CLIC5: variants seen among roughly 807,000 people sequenced by gnomAD.
CLIC5 encodes CLIC family member 5, also known as chloride intracellular channel protein 5.
Under a neutral mutation model 24.7 loss-of-function variants are expected in CLIC5, and 20 were observed. The ratio of observed to expected loss-of-function variants is 0.81; its 90% CI spans 0.57 to 1.18. CLIC5 has a LOEUF of 1.18. CLIC5 is among the 50% of genes most tolerant of loss of function. The pLI, the probability that CLIC5 is intolerant of heterozygous loss-of-function variation, is 0.00. For synonymous variants in CLIC5, 159 were observed against 135.6 expected (o/e 1.17, Z -1.20); for missense variants, 341 against 326.1 (o/e 1.05, Z -0.35).
intron 1 of CLIC5, among the ~76,000 whole-genome samples, chr6:46,022,552 T>C (rs1461639354): frequency 6.6e-6 from 1 of 152,132 alleles, no homozygotes; most frequent in Non-Finnish European, 1.5e-5. Flanking sequence ...AGGTCACAGA[T>C]TGGGCTATGA....
At chr6:46,050,917 T>C (rs1768085445) in intron 1 of CLIC5, among the ~76,000 whole-genome samples, 1 of 151,648 alleles carries the variant, frequency 6.6e-6, no homozygotes, top group African/African-American at 2.4e-5. Context: ...AAGGACAGAA[T>C]TTCTCAAACT....
intron 1 of CLIC5, among the ~76,000 whole-genome samples, chr6:46,029,142 G>T (rs775285424): frequency 6.6e-6 from 1 of 152,142 alleles, no homozygotes; most frequent in East Asian, 1.9e-4. Context: ...CATGGAGTCT[G>T]TTCTTTCCTT....
chr6:46,090,958 T>C, the CLIC5 span, among the ~76,000 whole-genome samples: 4 of 152,224 alleles, frequency 2.6e-5, no homozygotes, highest in Non-Finnish European at 4.4e-5. Context: ...AACAACAAGC[T>C]GTTATCAATC....
chr6:46,027,616 A>G (rs1380671035), intron 1 of CLIC5, among the ~76,000 whole-genome samples: 2 of 152,246 alleles, frequency 1.3e-5, no homozygotes, highest in Non-Finnish European at 2.9e-5. Context: ...GCAGAAACTT[A>G]CTTAGAAGAA....
intron 4 of CLIC5, among the ~76,000 whole-genome samples, chr6:45,926,447 G>A (rs925141161): frequency 4.0e-5 from 6 of 149,700 alleles, no homozygotes; most frequent in African/African-American, 1.2e-4. Context: ...TAGTAGAGAT[G>A]GGGTTTCACC....
intron 1 of CLIC5, among the ~76,000 whole-genome samples, chr6:45,975,970 A>C (rs550164509): frequency 7.9e-5 from 12 of 152,192 alleles, no homozygotes; most frequent in African/African-American, 1.9e-4. Flanking sequence ...TGGAAAAAAA[A>C]CCACCAGACT....
chr6:46,068,339 T>A (rs1762498702), intron 1 of CLIC5, among the ~76,000 whole-genome samples: 1 of 152,168 alleles, frequency 6.6e-6, no homozygotes. Context: ...ACAGAGGGCT[T>A]GGACTACCAC....
intron 6 of CLIC5, chr6:45,891,997 C>T (rs772337572): frequency 6.6e-6 from 1 of 152,196 alleles, no homozygotes; most frequent in Non-Finnish European, 1.5e-5. Context: ...TTAGCTACTA[C>T]AGGGTTTCCC....
rs144834196 is a variant in CLIC5 at position 45,917,582 on chromosome 6, G to T, written c.407-3173C>A. 2.0e-3 allele frequency among the ~76,000 whole-genome samples: 311 copies of T among 152,256 alleles called. 4 individuals are homozygous for T. Among genetic ancestry groups the T allele is most frequent in the African/African-American group, 7.1e-3 (293 of 41,530 alleles). On this transcript the variant is annotated intron_variant, in intron 4 of 5. Coordinates refer to ENST00000339561, the MANE Select transcript of CLIC5 (RefSeq NM_016929.5). ...TTATACTCCCTTGGGATGCTCCTTG[G>T]TGATAAGCTGTGTTGAAAGGCACAC...
chr6:45,895,776 A>G (rs1348383873), downstream of CLIC5, among the ~76,000 whole-genome samples: 1 of 152,230 alleles, frequency 6.6e-6, no homozygotes, highest in African/African-American at 2.4e-5. Context: ...CACACAGGAA[A>G]CAATTCTAGA....
chr6:46,029,555 C>T (rs1562013596), intron 1 of CLIC5, among the ~76,000 whole-genome samples: 2 of 152,154 alleles, frequency 1.3e-5, no homozygotes, highest in Admixed American at 1.3e-4. Flanking sequence ...CTCCTAAAAC[C>T]TGGCTGTGGG....
Position 45,899,942 on chromosome 6 carries a change from C to A in CLIC5, c.*3146G>T, listed in dbSNP as rs748072211. 1.3e-5 allele frequency: 2 copies of A among 152,168 alleles called. No individual in the cohort carries two copies. The highest frequency in any genetic ancestry group is 2.9e-5 in the Non-Finnish European group (2 of 68,028). 9.4% of individuals were successfully genotyped at this position (152,168 alleles called of 1,614,324 possible). ...CTTAGTGCTAGGTCACTCTACCTCT[C>A]GTTTAAAAGAATATAGCTATGCTCA... is the stretch of plus-strand genomic sequence containing the variant. On this transcript the variant is annotated 3_prime_UTR_variant, in exon 6 of 6. Coordinates refer to ENST00000339561, the MANE Select transcript of CLIC5 (RefSeq NM_016929.5).
At chr6:46,091,617 G>A in the CLIC5 span, among the ~76,000 whole-genome samples, 230 of 152,250 alleles carry the variant, frequency 1.5e-3, 2 homozygotes, top group Non-Finnish European at 2.8e-3. Flanking sequence ...GCATGCCTGT[G>A]GTCCCAGCTA....
chr6:45,934,250 C>T (rs946893652), intron 4 of CLIC5: 2 of 152,156 alleles, frequency 1.3e-5, no homozygotes, highest in Non-Finnish European at 2.9e-5. Context: ...TGGTTGTCTC[C>T]TTGTTTTTCT....
At chr6:46,015,418 C>CCTGGT in intron 1 of CLIC5, 62 bp downstream of exon 1, 1 of 1,445,196 alleles carries the variant, frequency 6.9e-7, no homozygotes, top group Non-Finnish European at 9.2e-7. Context: ...CACCCCGAGC[C>CCTGGT]CTGGTGGGTG....
At chr6:46,038,773 T>C (rs904653161) in intron 1 of CLIC5, among the ~76,000 whole-genome samples, 3 of 152,214 alleles carry the variant, frequency 2.0e-5, no homozygotes, top group Non-Finnish European at 4.4e-5. Context: ...GATTTCCTAG[T>C]TTATACTAAT....
chr6:45,982,143 GTAA>G (rs1765589759), intron 1 of CLIC5, among the ~76,000 whole-genome samples: 1 of 152,160 alleles, frequency 6.6e-6, no homozygotes, highest in South Asian at 2.1e-4. Context: ...AGGTTTCTGT[GTAA>G]GAAGAGGTAG....
At chr6:45,982,168 G>T (rs1765590333) in intron 1 of CLIC5, among the ~76,000 whole-genome samples, 2 of 152,102 alleles carry the variant, frequency 1.3e-5, no homozygotes. Context: ...TGTAGAACCT[G>T]TAGTTTGGAA....
chr6:46,040,662 A>G (rs1350351958), intron 1 of CLIC5, among the ~76,000 whole-genome samples: 2 of 152,056 alleles, frequency 1.3e-5, no homozygotes, highest in Non-Finnish European at 1.5e-5. Context: ...ACGGTAGCTG[A>G]TAATAGTAAT....
Sources: allele counts gnomAD v4.1 joint callset (sites outside exome capture counted in the v4.1 genomes callset), GRCh38; gene constraint gnomAD v4.1.1; transcripts MANE v1.5; gene names NCBI Gene and HGNC (gene_info 2026-07-23, HGNC 2026-07-21).